Variants in EML2 observed in about 807,000 individuals in gnomAD.
EML2 encodes the protein echinoderm microtubule-associated protein-like 2.
EML2 carries 59 observed loss-of-function variants against 84.7 expected under a neutral mutation model. That is an observed-to-expected ratio of 0.70 (90% CI 0.56 to 0.86). The LOEUF (loss-of-function observed/expected upper bound fraction) is 0.86, where lower values mean the gene tolerates loss of function less well. Ranked by LOEUF, EML2 falls within the 40% of genes least tolerant of loss-of-function variation. EML2 has a pLI of 0.00. For missense variants in EML2, 818 were observed against 855.6 expected, an observed-to-expected ratio of 0.96 and a Z score of 0.55; for synonymous variants, 352 against 348.9, an observed-to-expected ratio of 1.01 and a Z score of -0.10.
Position 45,618,850 on chromosome 19 carries a change from G to A in EML2, c.1254+210C>T, listed in dbSNP as rs1370638637. On this transcript the variant is annotated intron_variant, in intron 12 of 18. Coordinates refer to ENST00000245925, the MANE Select transcript of EML2 (RefSeq NM_012155.4). ...TAATCCCAGCTACTCGGGAGGCTGAGGCAGAAGAATCACTTGAACCCGGGA... is the reference window on the plus strand; with the variant it reads ...TAATCCCAGCTACTCGGGAGGCTGAAGCAGAAGAATCACTTGAACCCGGGA... The A allele has an allele frequency of 2.0e-5, 7 of 358,288 alleles. No homozygotes were observed. In the Admixed American group the frequency reaches 2.0e-4, roughly 10 times the overall value. The allele number at this position is 358,288 out of a possible 1,614,324, so 22.2% of individuals were successfully genotyped here.
At chr19:45,627,411 C>T (rs1276497887) in intron 7 of EML2, among the ~76,000 whole-genome samples, 2 of 152,040 alleles carry the variant, frequency 1.3e-5, no homozygotes, top group Non-Finnish European at 2.9e-5. Context: ...CGTGCCACCA[C>T]ACCTGGCTAA....
At chr19:45,625,575 C>T (rs1039700791) in intron 8 of EML2, among the ~76,000 whole-genome samples, 2 of 152,258 alleles carry the variant, frequency 1.3e-5, no homozygotes, top group East Asian at 1.9e-4. Context: ...CTGTCGGCGC[C>T]TCATTCATCC....
intron 8 of EML2, among the ~76,000 whole-genome samples, chr19:45,625,399 C>G (rs1030147956): frequency 6.6e-6 from 1 of 152,184 alleles, no homozygotes; most frequent in South Asian, 2.1e-4. Flanking sequence ...CACCATCACG[C>G]CTGGCTAATT....
chr19:45,626,586 A>G (rs1972355624), intron 8 of EML2, 119 bp downstream of exon 8: 1 of 1,171,494 alleles, frequency 8.5e-7, no homozygotes. Context: ...AGCAGGCAAC[A>G]TCTCAGCGTC....
At chr19:45,621,896 C>T (rs894834423) in intron 9 of EML2, among the ~76,000 whole-genome samples, 2 of 152,072 alleles carry the variant, frequency 1.3e-5, no homozygotes, top group Non-Finnish European at 2.9e-5. Context: ...AGGCGCCCAC[C>T]ACCATGCCTG....
chr19:45,630,371 G>A (rs577981743), intron 6 of EML2, among the ~76,000 whole-genome samples: 1 of 151,416 alleles, frequency 6.6e-6, no homozygotes, highest in Non-Finnish European at 1.5e-5. Flanking sequence ...TGCCAACATA[G>A]TGAAACCCTG....
In EML2 at chr19:45,624,830, G is replaced by T; in HGVS notation, c.742-12C>A. On this transcript the variant is annotated splice_polypyrimidine_tract_variant and intron_variant, in intron 8 of 18. Transcript: ENST00000245925. ...GGTTTCTCATGTTTCTAAGGTGGGG[G>T]AGGAAAGGAAGGTGTCAGAGCGTCA... 6.3e-7 allele frequency: 1 copy of T among 1,599,422 alleles called. No homozygotes were observed. Among genetic ancestry groups the T allele is most frequent in the Non-Finnish European group, 8.5e-7 (1 of 1,170,816 alleles).
At chr19:45,644,430 C>G (rs1373117310), upstream of EML2, among the ~76,000 whole-genome samples, 2 of 152,096 alleles carry the variant, frequency 1.3e-5, no homozygotes, top group Non-Finnish European at 2.9e-5. Context: ...TCCAGTGGTC[C>G]CTGGCACTAG....
chr19:45,632,212 G>A (rs887185349), intron 6 of EML2, among the ~76,000 whole-genome samples: 5 of 141,842 alleles, frequency 3.5e-5, no homozygotes, highest in African/African-American at 1.3e-4. Flanking sequence ...TTTTGAGTAC[G>A]AGTCTCGCTC....
intron 1 of EML2, 36 bp from the exon 2 acceptor site, chr19:45,638,909 A>G (rs1974104312): frequency 6.2e-7 from 1 of 1,613,222 alleles, no homozygotes; most frequent in South Asian, 1.1e-5. Flanking sequence ...AAAGGGTCTT[A>G]GTATTCAGTT....
intron 8 of EML2, 61 bp from the exon 9 acceptor site, chr19:45,624,879 G>A (rs967015472): frequency 1.6e-6 from 2 of 1,240,164 alleles, no homozygotes; most frequent in African/African-American, 3.0e-5. Context: ...CCTCCCAGAG[G>A]TCATCTGTCA....
chr19:45,623,046 C>CAA (rs1174275152), intron 9 of EML2, among the ~76,000 whole-genome samples: 3 of 106,632 alleles, frequency 2.8e-5, no homozygotes, highest in African/African-American at 1.1e-4. Context: ...GACTCCGTCT[C>CAA]AAAAAAAAAA....
intron 8 of EML2, among the ~76,000 whole-genome samples, chr19:45,625,333 C>T (rs1403017544): frequency 2.6e-5 from 4 of 152,170 alleles, no homozygotes; most frequent in East Asian, 3.9e-4. Flanking sequence ...CTCCACCTCC[C>T]GGGTTCAAGC....
rs773411128 is a variant in EML2 at position 45,615,902 on chromosome 19, G to A, written c.1510-13C>T. On this transcript the variant is annotated splice_polypyrimidine_tract_variant and intron_variant, in intron 15 of 18. Transcript: ENST00000245925. ...AACTGGAATGGCCCTGCGGGGGAGGGAAGGGATGGTGTTAGAGCTGCAGAG... is the reference window on the plus strand; with the variant it reads ...AACTGGAATGGCCCTGCGGGGGAGGAAAGGGATGGTGTTAGAGCTGCAGAG... 1 of 1,608,942 alleles carries A rather than the reference G, an allele frequency of 6.2e-7. No homozygotes were observed. Among genetic ancestry groups the A allele is most frequent in the South Asian group, 1.1e-5 (1 of 90,946 alleles).
chr19:45,617,750 C>A (rs945276279), intron 12 of EML2, 53 bp from the exon 13 acceptor site: 91 of 1,535,684 alleles, frequency 5.9e-5, no homozygotes, highest in Non-Finnish European at 7.6e-5. Flanking sequence ...CCATGTCCAT[C>A]TGGACATTCT....
Position 45,619,150 on chromosome 19 carries a change from A to C in EML2, c.1164T>G (p.Ser388Arg). Residue 388 changes from serine (S) to arginine (R), a missense_variant, in exon 12 of 19, where the codon AGT becomes AGG. By Grantham distance (110) the Ser-to-Arg change is moderately radical. Transcript: ENST00000245925. ...GCCCGCAGGTCACAAACTGGGCCCG[A>C]CTGGGGTGTGTGGCCAGGCCCCACA... ...EELWGLATHP[S>R]RAQFVTCGQD... The C allele has an allele frequency of 3.7e-6, 6 of 1,612,078 alleles. No homozygotes were observed. Among genetic ancestry groups the C allele is most frequent in the Non-Finnish European group, 5.1e-6 (6 of 1,179,656 alleles).
At chr19:45,639,565 G>T, upstream of EML2, 1 of 447,828 alleles carries the variant, frequency 2.2e-6, no homozygotes, top group Non-Finnish European at 3.7e-6. Flanking sequence ...TTCGGGGTGG[G>T]TGGGGGAGAG....
intron 7 of EML2, among the ~76,000 whole-genome samples, chr19:45,629,104 G>T (rs1458364372): frequency 6.6e-6 from 1 of 152,014 alleles, no homozygotes; most frequent in African/African-American, 2.4e-5. Context: ...CTACGAGGAA[G>T]ATGCTACCAT....
chr19:45,622,975 A>T (rs1971886334), intron 9 of EML2, among the ~76,000 whole-genome samples: 1 of 142,916 alleles, frequency 7.0e-6, no homozygotes, highest in African/African-American at 2.6e-5. Context: ...TGAACCTGGG[A>T]GGTGGAACTT....
Sources: allele counts gnomAD v4.1 joint callset (sites outside exome capture counted in the v4.1 genomes callset), GRCh38; gene constraint gnomAD v4.1.1; transcripts MANE v1.5; gene names NCBI Gene and HGNC (gene_info 2026-07-23, HGNC 2026-07-21).